The following SNAP25 variants were observed in gnomAD, a reference collection of about 807,000 sequenced individuals.
SNAP25 encodes the protein synaptosomal-associated protein 25.
A neutral mutation model predicts 28.7 loss-of-function variants in SNAP25; 3 were observed. The observed-to-expected ratio is 0.10, with a 90% CI of 0.05 to 0.27. The LOEUF is 0.27. Ranked by LOEUF, SNAP25 falls within the 10% of genes least tolerant of loss-of-function variation. SNAP25 has a pLI of 1.00. For synonymous variants in SNAP25, 61 were observed against 88.1 expected, an observed-to-expected ratio of 0.69 and a Z score of 1.72; for missense variants, 117 against 278.7, an observed-to-expected ratio of 0.42 and a Z score of 4.13.
chr20:10,303,788 A>G (rs757873336), intron 7 of SNAP25, among the ~76,000 whole-genome samples: 3 of 152,158 alleles, frequency 2.0e-5, no homozygotes, highest in Non-Finnish European at 4.4e-5. Context: ...GAATTTAAAG[A>G]TTTATGCTGG....
chr20:10,296,979 G>C lies in SNAP25; in HGVS notation c.336G>C (p.Val112=). ...CCTGGGGCAATAATCAGGACGGAGT[G>C]GTGGCCAGCCAGCCTGCTCGTGTAG... The part of the protein sequence containing the change: ...KKAWGNNQDG[V]VASQPARVVD... The change falls in exon 6 of 8, where the codon GTG becomes GTC. Residue 112 remains valine (V), a synonymous_variant. Coordinates refer to ENST00000254976, the MANE Select transcript of SNAP25 (RefSeq NM_130811.4). The C allele has an allele frequency of 6.2e-7, 1 of 1,613,642 alleles. No individual in the cohort carries two copies. Among genetic ancestry groups the C allele is most frequent in the African/African-American group, 1.3e-5 (1 of 75,028 alleles).
chr20:10,284,656 C>G lies in SNAP25; in HGVS notation c.115-68C>G, dbSNP rs1289636054. On this transcript the variant is annotated intron_variant, in intron 3 of 7. Transcript: ENST00000254976. ...ATTTATAGGGCTAATTGTCCCCTTA[C>G]TGATTTCTCTTTCTCTCTTTTCTCT... The G allele has an allele frequency of 1.9e-5, 24 of 1,248,642 alleles. No homozygotes were observed. The Admixed American group carries it at 4.1e-4, about 21-fold the overall frequency. 77.3% of individuals were successfully genotyped at this position (1,248,642 alleles called of 1,614,324 possible). A position where few individuals can be genotyped will look rare whatever the true frequency, so the allele number is the denominator to read the frequency against.
chr20:10,224,867 C>A (rs1006086994), intron 1 of SNAP25, among the ~76,000 whole-genome samples: 1 of 151,832 alleles, frequency 6.6e-6, no homozygotes, highest in Non-Finnish European at 1.5e-5. Context: ...TTCTAGACCT[C>A]TTCTTGATCA....
At chr20:10,221,008 G>A (rs1240295828) in intron 1 of SNAP25, among the ~76,000 whole-genome samples, 1 of 152,214 alleles carries the variant, frequency 6.6e-6, no homozygotes, top group Non-Finnish European at 1.5e-5. Flanking sequence ...ATTTATATAT[G>A]AGTATGTAAA....
intron 2 of SNAP25, 22 bp from the exon 3 acceptor site, chr20:10,277,663 T>C (rs772492889): frequency 1.9e-6 from 3 of 1,609,960 alleles, no homozygotes; most frequent in Admixed American, 1.7e-5. Flanking sequence ...AAGTTTATGT[T>C]TGTTTGTTTT....
At chr20:10,249,308 A>G (rs1306465155) in intron 1 of SNAP25, among the ~76,000 whole-genome samples, 1 of 152,134 alleles carries the variant, frequency 6.6e-6, no homozygotes, top group Non-Finnish European at 1.5e-5. Context: ...TGGTGGTAGG[A>G]TTCCTGCCCC....
At chr20:10,240,240 A>G (rs2063000916) in intron 1 of SNAP25, among the ~76,000 whole-genome samples, 2 of 152,184 alleles carry the variant, frequency 1.3e-5, no homozygotes, top group South Asian at 2.1e-4. Flanking sequence ...AACTCACAAC[A>G]TGACAGCTGA....
intron 1 of SNAP25, among the ~76,000 whole-genome samples, chr20:10,248,786 A>G (rs1196022398): frequency 2.0e-5 from 3 of 152,220 alleles, no homozygotes; most frequent in Non-Finnish European, 4.4e-5. Context: ...ATTAGTGTGC[A>G]CTAGAATCCC....
chr20:10,263,186 T>C (rs1600710016), intron 1 of SNAP25, among the ~76,000 whole-genome samples: 1 of 151,734 alleles, frequency 6.6e-6, no homozygotes, highest in African/African-American at 2.4e-5. Flanking sequence ...GCCCGGCTAA[T>C]TTTTTTGTAT....
chr20:10,283,536 G>A (rs1452278882), intron 3 of SNAP25, among the ~76,000 whole-genome samples: 3 of 152,274 alleles, frequency 2.0e-5, no homozygotes, highest in South Asian at 2.1e-4. Flanking sequence ...AACTGCACAC[G>A]TTCTCTAAAA....
At position 10,284,603 on chromosome 20, in the gene SNAP25, T is replaced by C. The variant is rs1005365791; in HGVS notation, c.115-121T>C. ...AGGGCTCTTGTCATACTTTCTCCCT[T>C]TTTTCTTTTGGTCCTTCTTCATTTT... On this transcript the variant is annotated intron_variant, in intron 3 of 7. Transcript: ENST00000254976. 3 of 784,560 alleles carry C rather than the reference T, an allele frequency of 3.8e-6. No homozygotes were observed. The Admixed American group carries it at 6.3e-5, about 17-fold the overall frequency. The allele number at this position is 784,560 out of a possible 1,614,324, so 48.6% of individuals were successfully genotyped here.
At chr20:10,277,084 AC>A (rs1251968959) in intron 2 of SNAP25, among the ~76,000 whole-genome samples, 2 of 152,222 alleles carry the variant, frequency 1.3e-5, no homozygotes, top group African/African-American at 4.8e-5. Context: ...TGCCCGGGGG[AC>A]CATTGCAGAG....
intron 1 of SNAP25, among the ~76,000 whole-genome samples, chr20:10,230,142 A>G (rs1293024912): frequency 6.6e-6 from 1 of 152,140 alleles, no homozygotes; most frequent in East Asian, 1.9e-4. Flanking sequence ...CAGAAAATGC[A>G]AGCTTGCTAT....
At chr20:10,222,592 G>T (rs552881467) in intron 1 of SNAP25, among the ~76,000 whole-genome samples, 51 of 152,308 alleles carry the variant, frequency 3.3e-4, no homozygotes, top group Middle Eastern at 3.4e-3. Flanking sequence ...GTCAAGCTGA[G>T]AATTTGGTAC....
At chr20:10,292,610 T>A (rs889703197) in intron 4 of SNAP25, among the ~76,000 whole-genome samples, 2 of 152,192 alleles carry the variant, frequency 1.3e-5, no homozygotes, top group Non-Finnish European at 2.9e-5. Context: ...TAAGCGAATA[T>A]GCTGTGCTGT....
rs202064915 is a variant in SNAP25 at position 10,299,434 on chromosome 20, A to G, written c.552+22A>G. 2.5e-4 allele frequency: 400 copies of G among 1,608,458 alleles called. 6 individuals are homozygous for G. In the East Asian group the frequency reaches 6.3e-3, roughly 25 times the overall value. ...GAAGGTGAGCACGTGGCAGTCAGCA[A>G]GTCCCTACTGCGAGTCACTTCTGAA... is the stretch of plus-strand genomic sequence containing the variant. On this transcript the variant is annotated intron_variant, in intron 7 of 7. Coordinates refer to ENST00000254976, the MANE Select transcript of SNAP25 (RefSeq NM_130811.4).
chr20:10,282,941 G>A (rs1306691881), intron 3 of SNAP25, among the ~76,000 whole-genome samples: 1 of 152,164 alleles, frequency 6.6e-6, no homozygotes, highest in African/African-American at 2.4e-5. Context: ...CTAGAATCTT[G>A]CTACTCAATG....
At chr20:10,273,484 C>T (rs2063633940) in intron 1 of SNAP25, among the ~76,000 whole-genome samples, 2 of 152,176 alleles carry the variant, frequency 1.3e-5, no homozygotes. Flanking sequence ...GGCCAGGAGT[C>T]ATTTTTCTCC....
At chr20:10,300,804 G>A (rs984168140) in intron 7 of SNAP25, among the ~76,000 whole-genome samples, 1 of 152,036 alleles carries the variant, frequency 6.6e-6, no homozygotes, top group Non-Finnish European at 1.5e-5. Context: ...CATGCTTATC[G>A]TTGTTAAGAA....
Sources: allele counts gnomAD v4.1 joint callset (sites outside exome capture counted in the v4.1 genomes callset), GRCh38; gene constraint gnomAD v4.1.1; transcripts MANE v1.5; gene names NCBI Gene and HGNC (gene_info 2026-07-23, HGNC 2026-07-21).